Variants in RBFOX1 observed in about 807,000 individuals in gnomAD.
RBFOX1 encodes the protein RNA binding protein fox-1 homolog 1.
RBFOX1 carries 8 observed loss-of-function variants against 57.7 expected under a neutral mutation model. The ratio of observed to expected loss-of-function variants is 0.14; its 90% CI spans 0.08 to 0.25. The LOEUF (loss-of-function observed/expected upper bound fraction) is 0.25, where lower values mean the gene tolerates loss of function less well. Ranked by LOEUF, RBFOX1 falls within the 10% of genes least tolerant of loss-of-function variation. RBFOX1 has a pLI of 1.00. For missense variants in RBFOX1, 611 were observed against 548.5 expected, an observed-to-expected ratio of 1.11 and a Z score of -1.14; for synonymous variants, 326 against 222.4, an observed-to-expected ratio of 1.47 and a Z score of -4.15.
chr16:7,112,696 C>G (rs373073055), intron 4 of RBFOX1, among the ~76,000 whole-genome samples: 75,220 of 142,268 alleles, frequency 0.53, 20,164 homozygotes, highest in South Asian at 0.7. Context: ...GTGTGTCTCT[C>G]TGTCTGTCTG....
At chr16:5,713,354 G>C (rs2051566378) in intron 3 of RBFOX1, among the ~76,000 whole-genome samples, 1 of 152,170 alleles carries the variant, frequency 6.6e-6, no homozygotes, top group African/African-American at 2.4e-5. Context: ...GTACAGGAAT[G>C]AGATTAAGGG....
At chr16:7,539,981 A>T (rs1016462593) in intron 5 of RBFOX1, among the ~76,000 whole-genome samples, 1 of 152,192 alleles carries the variant, frequency 6.6e-6, no homozygotes, top group Non-Finnish European at 1.5e-5. Context: ...GACTTTGGGA[A>T]AGCTATTGAA....
At chr16:7,192,190 G>A (rs1320828467) in intron 4 of RBFOX1, among the ~76,000 whole-genome samples, 2 of 152,360 alleles carry the variant, frequency 1.3e-5, no homozygotes, top group South Asian at 2.1e-4. Context: ...TCTGATGCCA[G>A]ATTTCTCAGA....
intron 1 of RBFOX1, among the ~76,000 whole-genome samples, chr16:5,370,514 A>G (rs1428892457): frequency 1.3e-5 from 2 of 150,412 alleles, no homozygotes; most frequent in African/African-American, 2.4e-5. Context: ...TTTATATAAG[A>G]TAGCGTCTCA....
intron 2 of RBFOX1, among the ~76,000 whole-genome samples, chr16:6,345,940 C>A (rs1034469482): frequency 6.6e-6 from 1 of 152,100 alleles, no homozygotes; most frequent in African/African-American, 2.4e-5. Flanking sequence ...CAACTCGAAA[C>A]AAAGGCAGGA....
At chr16:6,958,544 T>A (rs868717290) in intron 3 of RBFOX1, among the ~76,000 whole-genome samples, 1 of 152,200 alleles carries the variant, frequency 6.6e-6, no homozygotes, top group Non-Finnish European at 1.5e-5. Flanking sequence ...ATGGATTGTT[T>A]TAAAAAATAA....
rs540987064 is a variant in RBFOX1, at chr16:7,175,953, A to G, written c.27+123855A>G. On this transcript the variant is annotated intron_variant, in intron 4 of 15. Transcript: ENST00000550418. Reference sequence around the variant, plus strand: ...CTGCTGCACAGACTTTTAAACCTGGAAAGCTGTAAATGCAGAAACTTAAGT... The same window carrying G: ...CTGCTGCACAGACTTTTAAACCTGGGAAGCTGTAAATGCAGAAACTTAAGT... Among the ~76,000 whole-genome samples the G allele has an allele frequency of 1.6e-4, 25 of 152,200 alleles. 1 individual carries two copies. The South Asian group carries it at 4.4e-3, about 27-fold the overall frequency.
intron 2 of RBFOX1, among the ~76,000 whole-genome samples, chr16:6,623,852 C>T (rs952596326): frequency 1.6e-4 from 24 of 152,154 alleles, no homozygotes; most frequent in Non-Finnish European, 4.4e-5. Context: ...CATTGTTGGA[C>T]ATTTGGGTTG....
rs568731490 is a variant in RBFOX1, at chr16:6,911,991, A to G, written c.-15-140066A>G. 2.6e-5 allele frequency among the ~76,000 whole-genome samples: 4 copies of G among 152,332 alleles called. No homozygotes were observed. The South Asian group carries it at 8.3e-4, about 32-fold the overall frequency. ...GGGAGTAGAAAGAACAAGAATAAAG[A>G]TGTTAAGTAGAGTAAGATGCATTCT... On this transcript the variant is annotated intron_variant, in intron 3 of 15. Transcript: ENST00000550418.
intron 3 of RBFOX1, among the ~76,000 whole-genome samples, chr16:5,663,411 G>A (rs1279437165): frequency 6.6e-6 from 1 of 151,074 alleles, no homozygotes; most frequent in African/African-American, 2.4e-5. Flanking sequence ...CACTATGTTG[G>A]CCAGGCTGTC....
intron 2 of RBFOX1, among the ~76,000 whole-genome samples, chr16:6,621,923 C>G (rs954919206): frequency 6.6e-6 from 1 of 152,116 alleles, no homozygotes; most frequent in African/African-American, 2.4e-5. Context: ...AACTGAAGAG[C>G]TAAGAGAGAG....
intron 7 of RBFOX1, among the ~76,000 whole-genome samples, chr16:7,590,671 C>G (rs1189122734): frequency 6.6e-6 from 1 of 151,856 alleles, no homozygotes; most frequent in Non-Finnish European, 1.5e-5. Flanking sequence ...ACCAGCCTGA[C>G]CAACATGGAG....
intron 4 of RBFOX1, among the ~76,000 whole-genome samples, chr16:5,964,866 G>A (rs1407791271): frequency 6.6e-6 from 1 of 151,890 alleles, no homozygotes; most frequent in Non-Finnish European, 1.5e-5. Flanking sequence ...GTTCATTAAT[G>A]GCTGAATGGA....
chr16:6,320,998 T>G (rs1047681245), intron 2 of RBFOX1, among the ~76,000 whole-genome samples: 9 of 152,192 alleles, frequency 5.9e-5, no homozygotes, highest in Admixed American at 2.0e-4. Flanking sequence ...TTTGCCATGT[T>G]GGCCAGGCTA....
chr16:7,014,254 A>G (rs1171087563), intron 3 of RBFOX1, among the ~76,000 whole-genome samples: 1 of 152,070 alleles, frequency 6.6e-6, no homozygotes, highest in Non-Finnish European at 1.5e-5. Flanking sequence ...TCTGTCGCCC[A>G]GGCTGGAGTG....
intron 4 of RBFOX1, among the ~76,000 whole-genome samples, chr16:7,326,164 C>T (rs1298191907): frequency 6.6e-6 from 1 of 152,178 alleles, no homozygotes; most frequent in Non-Finnish European, 1.5e-5. Flanking sequence ...ACTCTGTGCC[C>T]AGTCCTGGGT....
At position 7,003,284 on chromosome 16, in the gene RBFOX1, C is replaced by G. The variant is rs980983851; in HGVS notation, c.-15-48773C>G. 8.1e-5 allele frequency among the ~76,000 whole-genome samples: 12 copies of G among 148,694 alleles called. 4 individuals carry two copies. The highest frequency in any genetic ancestry group is 6.6e-5 in the Admixed American group (1 of 15,082). ...GACCATCCTGGCCAACATGGTGAAA[C>G]CCCCGTCTCTACTAAAAGTGCAAAA... On this transcript the variant is annotated intron_variant, in intron 3 of 15. Coordinates refer to ENST00000550418, the MANE Select transcript of RBFOX1 (RefSeq NM_018723.4).
intron 1 of RBFOX1, among the ~76,000 whole-genome samples, chr16:6,094,069 G>T (rs751996363): frequency 3.9e-5 from 6 of 152,138 alleles, no homozygotes; most frequent in Non-Finnish European, 8.8e-5. Flanking sequence ...GACATGACTT[G>T]TCCCAGTTTT....
At chr16:5,705,572 T>A (rs985438021) in intron 3 of RBFOX1, among the ~76,000 whole-genome samples, 4 of 152,194 alleles carry the variant, frequency 2.6e-5, no homozygotes, top group Non-Finnish European at 5.9e-5. Context: ...ACAATTTGTT[T>A]TTTGGACTAA....
Sources: gnomAD v4.1 joint callset for allele counts (sites outside exome capture counted in the v4.1 genomes callset) on GRCh38, gnomAD v4.1.1 for gene constraint, MANE v1.5 for transcripts, NCBI Gene and HGNC (gene_info 2026-07-23, HGNC 2026-07-21) for gene names.